The following SP4 variants were observed in gnomAD, a reference collection of about 807,000 sequenced individuals.
SP4 encodes the protein Sp4 transcription factor, also known as transcription factor Sp4.
A neutral mutation model predicts 72.8 loss-of-function variants in SP4; 19 were observed. That is an observed-to-expected ratio of 0.26 (90% CI 0.18 to 0.38). The LOEUF (loss-of-function observed/expected upper bound fraction) is 0.38, where lower values mean the gene tolerates loss of function less well. Ranked by LOEUF, SP4 falls within the 10% of genes least tolerant of loss-of-function variation. SP4 has a pLI of 1.00. For synonymous variants in SP4, 395 were observed against 333.1 expected (o/e 1.19, Z -2.02); for missense variants, 1,008 against 926.3 (o/e 1.09, Z -1.14).
chr7:21,499,715 C>A (rs1044826294), intron 5 of SP4, among the ~76,000 whole-genome samples: 4 of 152,120 alleles, frequency 2.6e-5, no homozygotes, highest in Non-Finnish European at 5.9e-5. Context: ...AATATATTAC[C>A]TTAATTTGCT....
rs995083942 is a variant in SP4 at position 21,464,122 on chromosome 7, C to CTT, written c.1679-12938_1679-12937dup. On this transcript the variant is annotated intron_variant, in intron 3 of 5. Transcript: ENST00000222584. ...ATTCATTCCCTTGTCAGGGCGCTCTCTTTTTTTTTTTTTTTTTTTTGAGAT... is the reference window on the plus strand; with the variant it reads ...ATTCATTCCCTTGTCAGGGCGCTCTCTTTTTTTTTTTTTTTTTTTTTTGAGAT... 3.8e-3 allele frequency among the ~76,000 whole-genome samples: 480 copies of CTT among 127,182 alleles called. 2 individuals carry two copies. The highest frequency in any genetic ancestry group is 5.0e-3 in the African/African-American group (167 of 33,308). The allele number at this position is 127,182 out of a possible 152,430, so 83.4% of individuals were successfully genotyped here. A position where few individuals can be genotyped will look rare whatever the true frequency, so the allele number is the denominator to read the frequency against.
intron 4 of SP4, among the ~76,000 whole-genome samples, chr7:21,480,514 G>A (rs10272006): frequency 0.75 from 114,666 of 152,148 alleles, 43,999 homozygotes; most frequent in African/African-American, 0.9. Flanking sequence ...AGTAATTGCC[G>A]TAGAATTGTT....
intron 5 of SP4, among the ~76,000 whole-genome samples, chr7:21,509,696 G>A (rs1359885044): frequency 6.6e-6 from 1 of 152,116 alleles, no homozygotes; most frequent in Non-Finnish European, 1.5e-5. Context: ...TAAAGAAAAA[G>A]AGAATGTAAA....
At chr7:21,454,770 T>G (rs186237206) in intron 3 of SP4, among the ~76,000 whole-genome samples, 1 of 152,294 alleles carries the variant, frequency 6.6e-6, no homozygotes, top group African/African-American at 2.4e-5. Context: ...GGTTAAAGAT[T>G]TAGGTAGCTT....
At chr7:21,453,078 T>G (rs756815196) in intron 3 of SP4, among the ~76,000 whole-genome samples, 10 of 152,180 alleles carry the variant, frequency 6.6e-5, no homozygotes, top group Non-Finnish European at 1.5e-4. Context: ...GTGCCCGACC[T>G]ACTCAATTGT....
Position 21,428,170 on chromosome 7 carries a change from G to A in SP4, c.-82G>A, listed in dbSNP as rs1486773872. On this transcript the variant is annotated 5_prime_UTR_variant, in exon 1 of 6. Coordinates refer to ENST00000222584, the MANE Select transcript of SP4 (RefSeq NM_003112.5). ...CGAGCCACCGCGGGCGGGCGGGACC[G>A]GCCTCTCCTCCCGCCTCGCCCCCAC... 4 of 766,912 alleles carry A rather than the reference G, an allele frequency of 5.2e-6. No individual in the cohort carries two copies. The highest frequency in any genetic ancestry group is 3.4e-5 in the African/African-American group (2 of 58,190). 47.5% of individuals were successfully genotyped at this position (766,912 alleles called of 1,614,324 possible). A position where few individuals can be genotyped will look rare whatever the true frequency, so the allele number is the denominator to read the frequency against.
chr7:21,490,679 A>G (rs1784953502), intron 5 of SP4, among the ~76,000 whole-genome samples: 2 of 91,656 alleles, frequency 2.2e-5, no homozygotes, highest in African/African-American at 4.1e-5. Flanking sequence ...TGTGTAGATC[A>G]AAAGAAGTCC....
intron 3 of SP4, among the ~76,000 whole-genome samples, chr7:21,468,307 C>G (rs184802556): frequency 6.6e-6 from 1 of 152,014 alleles, no homozygotes; most frequent in African/African-American, 2.4e-5. Flanking sequence ...GGAAAAGTTT[C>G]GAATTAAATT....
chr7:21,478,831 A>C (rs894341334), intron 4 of SP4, among the ~76,000 whole-genome samples: 1 of 152,160 alleles, frequency 6.6e-6, no homozygotes, highest in Non-Finnish European at 1.5e-5. Flanking sequence ...GCACTTCGGG[A>C]GGCCAAGGCA....
chr7:21,436,749 G>A (rs998366758), intron 3 of SP4, among the ~76,000 whole-genome samples: 3 of 152,216 alleles, frequency 2.0e-5, no homozygotes, highest in Non-Finnish European at 4.4e-5. Flanking sequence ...TGTGGCAAAG[G>A]AAACCTGTTG....
chr7:21,498,183 A>C (rs1240393922), intron 5 of SP4, among the ~76,000 whole-genome samples: 1 of 152,246 alleles, frequency 6.6e-6, no homozygotes, highest in Non-Finnish European at 1.5e-5. Context: ...TTTTTGAAAA[A>C]ATAAAAACTG....
chr7:21,441,321 T>C (rs562176514), intron 3 of SP4, among the ~76,000 whole-genome samples: 27 of 152,328 alleles, frequency 1.8e-4, no homozygotes, highest in African/African-American at 6.3e-4. Flanking sequence ...AAAGCTATCA[T>C]GTGGAAGCTT....
chr7:21,436,486 A>G (rs1010725504), intron 3 of SP4, among the ~76,000 whole-genome samples: 3 of 152,160 alleles, frequency 2.0e-5, no homozygotes, highest in African/African-American at 7.2e-5. Context: ...GCTAAAGTCT[A>G]TTTATAAAGG....
intron 3 of SP4, among the ~76,000 whole-genome samples, chr7:21,434,527 TAGGA>T (rs1168087024): frequency 6.6e-6 from 1 of 152,212 alleles, no homozygotes; most frequent in Non-Finnish European, 1.5e-5. Context: ...AGAATTGTAG[TAGGA>T]ACTAAATATG....
At chr7:21,506,924 A>C (rs959453980) in intron 5 of SP4, among the ~76,000 whole-genome samples, 13 of 152,102 alleles carry the variant, frequency 8.5e-5, no homozygotes, top group Non-Finnish European at 1.0e-4. Flanking sequence ...GAGATCCTAC[A>C]TTTGGGCGCA....
chr7:21,468,428 T>A (rs1291938737), intron 3 of SP4, among the ~76,000 whole-genome samples: 1 of 152,108 alleles, frequency 6.6e-6, no homozygotes, highest in Non-Finnish European at 1.5e-5. Flanking sequence ...TTGTTTTATA[T>A]CCTTTATTAA....
At position 21,429,630 on chromosome 7, in the gene SP4, A is replaced by T; in HGVS notation, c.465A>T (p.Gln155His). Residue 155 changes from glutamine to histidine, a missense_variant, in exon 3 of 6, where the codon CAA (glutamine) becomes CAT (histidine). Gln to His is a conservative substitution (Grantham distance 24, BLOSUM62 0). Around this residue, in one of 3 missense-constraint regions of SP4, gnomAD observed 893 missense variants for 743.3 expected, o/e 1.20. Coordinates refer to ENST00000222584, the MANE Select transcript of SP4 (RefSeq NM_003112.5). The part of the protein sequence containing the change: ...SSTPGQFQVI[Q>H]VQNPSGSVQY... ...CCCCTGGTCAATTTCAAGTCATACA[A>T]GTACAAAATCCAAGTGGTAGTGTAC... 6.2e-7 allele frequency: 1 copy of T among 1,614,160 alleles called. No homozygotes were observed. The highest frequency in any genetic ancestry group is 8.5e-7 in the Non-Finnish European group (1 of 1,179,964).
chr7:21,431,950 T>G (rs545946308), intron 3 of SP4, among the ~76,000 whole-genome samples: 1 of 152,346 alleles, frequency 6.6e-6, no homozygotes, highest in South Asian at 2.1e-4. Context: ...TATGTAAAAT[T>G]GTAAATTGCC....
intron 1 of SP4, 146 bp from the exon 2 acceptor site, chr7:21,428,531 C>T: frequency 4.3e-6 from 4 of 940,116 alleles, no homozygotes. Context: ...CCTCCTTCTC[C>T]CCCACCCCCT....
Sources: gnomAD v4.1 joint callset for allele counts (sites outside exome capture counted in the v4.1 genomes callset) on GRCh38, gnomAD v4.1.1 for gene constraint, gnomAD v4.1.1 regional missense constraint, MANE v1.5 for transcripts, NCBI Gene and HGNC (gene_info 2026-07-23, HGNC 2026-07-21) for gene names.